The following PALLD variants were observed in gnomAD, a reference collection of about 807,000 sequenced individuals.
PALLD encodes the protein palladin, cytoskeletal associated protein, also known as palladin.
A neutral mutation model predicts 123.5 loss-of-function variants in PALLD; 61 were observed. That is an observed-to-expected ratio of 0.49 (90% confidence interval 0.40 to 0.61). PALLD has a LOEUF of 0.61. Ranked by LOEUF, PALLD falls within the 20% of genes least tolerant of loss-of-function variation. The pLI, the probability that PALLD is intolerant of heterozygous loss-of-function variation, is 0.00. For missense variants in PALLD, 1,273 were observed against 1,377.0 expected (o/e 0.92, Z 1.20); for synonymous variants, 465 against 496.4 (o/e 0.94, Z 0.84).
intron 2 of PALLD, among the ~76,000 whole-genome samples, chr4:168,591,760 A>G (rs1771458065): frequency 6.6e-6 from 1 of 152,168 alleles, no homozygotes; most frequent in Non-Finnish European, 1.5e-5. Flanking sequence ...ATGTCATTAT[A>G]TCTTCTTTCC....
At chr4:168,885,863 A>G (rs1263492242) in intron 10 of PALLD, among the ~76,000 whole-genome samples, 1 of 152,264 alleles carries the variant, frequency 6.6e-6, no homozygotes, top group African/African-American at 2.4e-5. Context: ...ACAAGGCACC[A>G]AATAATGCAT....
intron 2 of PALLD, among the ~76,000 whole-genome samples, chr4:168,647,383 T>G (rs1029192866): frequency 5.3e-5 from 8 of 152,182 alleles, no homozygotes; most frequent in African/African-American, 1.9e-4. Context: ...CAGGATTAAT[T>G]ATTAAAATAT....
At chr4:168,619,611 T>C (rs1774560454) in intron 2 of PALLD, among the ~76,000 whole-genome samples, 1 of 152,196 alleles carries the variant, frequency 6.6e-6, no homozygotes, top group Non-Finnish European at 1.5e-5. Context: ...CTGTTTCTTA[T>C]ACTGTGGTGG....
intron 2 of PALLD, among the ~76,000 whole-genome samples, chr4:168,541,662 A>T (rs1765632651): frequency 6.6e-6 from 1 of 152,082 alleles, no homozygotes; most frequent in Non-Finnish European, 1.5e-5. Context: ...CATGTTGGCC[A>T]GGCTAGTCGC....
At chr4:168,922,096 TATATATACACACAC>T (rs1255071715) in intron 18 of PALLD, among the ~76,000 whole-genome samples, 18 of 104,910 alleles carry the variant, frequency 1.7e-4, no homozygotes, top group African/African-American at 4.2e-4. Context: ...TATATATATA[TATATATACACACAC>T]ACACACACAC....
chr4:168,508,299 A>T (rs186272144), intron 1 of PALLD, among the ~76,000 whole-genome samples: 9 of 152,320 alleles, frequency 5.9e-5, no homozygotes, highest in East Asian at 5.8e-4. Context: ...AATACAATTT[A>T]AAAAAAGACA....
intron 2 of PALLD, among the ~76,000 whole-genome samples, chr4:168,665,549 C>T (rs969603331): frequency 6.6e-6 from 1 of 152,064 alleles, no homozygotes; most frequent in Non-Finnish European, 1.5e-5. Flanking sequence ...GGCGAGACAG[C>T]GAGACTCCAT....
At chr4:168,685,920 T>G (rs1197448778) in intron 6 of PALLD, among the ~76,000 whole-genome samples, 1 of 151,680 alleles carries the variant, frequency 6.6e-6, no homozygotes, top group Admixed American at 6.6e-5. Context: ...TTGTCCTGAG[T>G]CCGGAATTTG....
At chr4:168,710,892 A>G (rs761304963) in intron 9 of PALLD, among the ~76,000 whole-genome samples, 2 of 152,218 alleles carry the variant, frequency 1.3e-5, no homozygotes, top group Non-Finnish European at 2.9e-5. Flanking sequence ...AAACATAATC[A>G]ACAAATATTT....
chr4:168,610,070 A>G (rs1012084660), intron 2 of PALLD, among the ~76,000 whole-genome samples: 10 of 152,030 alleles, frequency 6.6e-5, no homozygotes, highest in African/African-American at 2.4e-4. Flanking sequence ...TAGTATCTCC[A>G]ATTGGTTCTT....
rs572651359 is a variant in PALLD, at chr4:168,686,990, A to G, written c.1335+1431A>G. 3.9e-5 allele frequency among the ~76,000 whole-genome samples: 6 copies of G among 152,334 alleles called. No individual in the cohort carries two copies. In the South Asian group the frequency reaches 1.0e-3, roughly 26 times the overall value. On this transcript the variant is annotated intron_variant, in intron 6 of 21. Transcript: ENST00000505667. ...TTTCTGAATACCTACAGAAACTTGC[A>G]AATTGCTGGAGAAAGAATGAATTCT...
intron 10 of PALLD, among the ~76,000 whole-genome samples, chr4:168,806,717 GC>G (rs2150714425): frequency 6.6e-6 from 1 of 152,220 alleles, no homozygotes; most frequent in South Asian, 2.1e-4. Flanking sequence ...TAGATGGTCT[GC>G]CTTCAGCTGG....
rs569054006 is a variant in PALLD, at chr4:168,926,213, C to A, written c.*33C>A. 4 of 1,527,184 alleles carry A rather than the reference C, an allele frequency of 2.6e-6. No homozygotes were observed. The highest frequency in any genetic ancestry group is 2.4e-5 in the South Asian group (2 of 82,458). 94.6% of individuals were successfully genotyped at this position (1,527,184 alleles called of 1,614,324 possible). A position where few individuals can be genotyped will look rare whatever the true frequency, so the allele number is the denominator to read the frequency against. ...CTTAATTTACTCTTTTTCTTTGTAG[C>A]CCAGTGGCATCAGCAGTCACAGAGC... is the stretch of plus-strand genomic sequence containing the variant. On this transcript the variant is annotated splice_region_variant and 3_prime_UTR_variant, in exon 22 of 22. Coordinates refer to ENST00000505667, the MANE Select transcript of PALLD (RefSeq NM_001166108.2).
chr4:168,667,419 G>A (rs1779760853), intron 2 of PALLD, among the ~76,000 whole-genome samples: 1 of 152,008 alleles, frequency 6.6e-6, no homozygotes, highest in Admixed American at 6.5e-5. Context: ...GTTTTGTTTT[G>A]TTTGTATGTT....
chr4:168,692,300 G>A (rs1782706195), intron 8 of PALLD, among the ~76,000 whole-genome samples: 1 of 152,150 alleles, frequency 6.6e-6, no homozygotes. Context: ...GTTTAAGGGA[G>A]GCTGAGTAGC....
At chr4:168,674,127 C>A (rs1206150896) in intron 3 of PALLD, among the ~76,000 whole-genome samples, 1 of 152,148 alleles carries the variant, frequency 6.6e-6, no homozygotes, top group Non-Finnish European at 1.5e-5. Flanking sequence ...GGTGGCCAGG[C>A]TGGTCTCAAA....
At chr4:168,589,417 C>A (rs924398388) in intron 2 of PALLD, among the ~76,000 whole-genome samples, 1 of 152,072 alleles carries the variant, frequency 6.6e-6, no homozygotes, top group Non-Finnish European at 1.5e-5. Flanking sequence ...TCTGAGTCAT[C>A]TTTTTTTAAG....
chr4:168,579,553 G>A (rs890940687), intron 2 of PALLD, among the ~76,000 whole-genome samples: 2 of 151,796 alleles, frequency 1.3e-5, no homozygotes, highest in South Asian at 2.1e-4. Context: ...AGTTAAAGAC[G>A]GAAAAGGTCT....
At chr4:168,839,081 T>C (rs1745634836) in intron 10 of PALLD, among the ~76,000 whole-genome samples, 1 of 152,106 alleles carries the variant, frequency 6.6e-6, no homozygotes. Flanking sequence ...GTCTCCCAAA[T>C]AGCTGGGACT....
Sources: gnomAD v4.1 joint callset for allele counts (sites outside exome capture counted in the v4.1 genomes callset) on GRCh38, gnomAD v4.1.1 for gene constraint, MANE v1.5 for transcripts, NCBI Gene and HGNC (gene_info 2026-07-23, HGNC 2026-07-21) for gene names.